Variants in COL24A1 observed in about 807,000 individuals in gnomAD.
COL24A1 encodes collagen alpha-1(XXIV) chain.
Under a neutral mutation model 253.9 loss-of-function variants are expected in COL24A1, and 224 were observed. That is an observed-to-expected ratio of 0.88 (90% CI 0.79 to 0.99). The LOEUF (loss-of-function observed/expected upper bound fraction) is 0.99. COL24A1 is among the 50% of genes least tolerant of loss of function. The probability of loss-of-function intolerance (pLI) is 0.00; values close to 1 mark genes in which losing one functional copy is unlikely to be tolerated. For synonymous variants in COL24A1, 685 were observed against 673.7 expected (o/e 1.02, Z -0.26); for missense variants, 2,131 against 2,068.5 (o/e 1.03, Z -0.59).
chr1:86,013,545 C>CA (rs1696724998), intron 19 of COL24A1, among the ~76,000 whole-genome samples: 1 of 152,120 alleles, frequency 6.6e-6, no homozygotes, highest in East Asian at 1.9e-4. Context: ...TCAAACTAAC[C>CA]AAAAACTGGG....
At chr1:86,038,073 T>TA (rs979785440) in intron 12 of COL24A1, among the ~76,000 whole-genome samples, 20 of 152,086 alleles carry the variant, frequency 1.3e-4, no homozygotes, top group Middle Eastern at 3.4e-3. Flanking sequence ...GTCGCCAATG[T>TA]AAAAAAAATC....
chr1:86,026,182 C>A (rs1019399954), intron 14 of COL24A1, among the ~76,000 whole-genome samples: 4 of 152,120 alleles, frequency 2.6e-5, no homozygotes, highest in Non-Finnish European at 4.4e-5. Flanking sequence ...AGTAACAATA[C>A]CTGCTTTATC....
intron 4 of COL24A1, among the ~76,000 whole-genome samples, chr1:86,113,269 G>A (rs985550247): frequency 6.6e-6 from 1 of 151,988 alleles, no homozygotes. Flanking sequence ...TTAAAAATCC[G>A]GAAACTTAAG....
At chr1:85,844,740 T>C (rs879325940) in intron 39 of COL24A1, among the ~76,000 whole-genome samples, 4 of 151,980 alleles carry the variant, frequency 2.6e-5, no homozygotes, top group Non-Finnish European at 4.4e-5. Context: ...CTAGTTGAAA[T>C]TGATACTTTT....
intron 35 of COL24A1, among the ~76,000 whole-genome samples, chr1:85,870,233 C>T (rs1426360471): frequency 6.6e-6 from 1 of 152,106 alleles, no homozygotes; most frequent in Admixed American, 6.6e-5. Context: ...CTTAGACTCC[C>T]ACACAATAAT....
At chr1:85,839,026 C>T (rs140358991) in intron 42 of COL24A1, among the ~76,000 whole-genome samples, 146 of 152,012 alleles carry the variant, frequency 9.6e-4, no homozygotes, top group African/African-American at 3.5e-3. Flanking sequence ...AACGTGAGAC[C>T]CTGTCTCTAC....
At chr1:85,948,241 T>C (rs940781989) in intron 24 of COL24A1, among the ~76,000 whole-genome samples, 9 of 152,098 alleles carry the variant, frequency 5.9e-5, no homozygotes, top group Non-Finnish European at 1.3e-4. Flanking sequence ...AAGAAACCAT[T>C]AGGCCGGGCG....
intron 19 of COL24A1, among the ~76,000 whole-genome samples, chr1:86,006,810 A>G (rs1490407264): frequency 2.0e-5 from 3 of 152,214 alleles, no homozygotes; most frequent in Non-Finnish European, 4.4e-5. Flanking sequence ...AACATTAAAA[A>G]AAGGCCAAAG....
chr1:85,977,595 T>C (rs1296066998), intron 20 of COL24A1, among the ~76,000 whole-genome samples: 1 of 152,078 alleles, frequency 6.6e-6, no homozygotes, highest in African/African-American at 2.4e-5. Context: ...GTGTCAATAA[T>C]AGACTAGGAC....
chr1:86,008,167 T>A (rs879348684), intron 19 of COL24A1, among the ~76,000 whole-genome samples: 4 of 152,208 alleles, frequency 2.6e-5, no homozygotes, highest in Non-Finnish European at 5.9e-5. Flanking sequence ...GTAGGAAATA[T>A]AAAACCTTTA....
intron 18 of COL24A1, among the ~76,000 whole-genome samples, chr1:86,020,440 T>C (rs935698756): frequency 6.6e-6 from 1 of 152,146 alleles, no homozygotes; most frequent in Admixed American, 6.5e-5. Context: ...GTAGGTTAAG[T>C]GCCAGAGCTG....
At chr1:85,791,831 T>C (rs914560141) in intron 47 of COL24A1, among the ~76,000 whole-genome samples, 15 of 152,158 alleles carry the variant, frequency 9.9e-5, no homozygotes, top group African/African-American at 3.1e-4. Context: ...AATAGGGAAC[T>C]GTAATAAGAT....
At chr1:86,032,560 A>G (rs1001722684) in intron 13 of COL24A1, among the ~76,000 whole-genome samples, 3 of 152,112 alleles carry the variant, frequency 2.0e-5, no homozygotes, top group African/African-American at 4.8e-5. Context: ...ACTCATTGTC[A>G]TTACACTTTA....
intron 5 of COL24A1, among the ~76,000 whole-genome samples, chr1:86,099,753 G>C (rs1021122500): frequency 6.6e-6 from 1 of 152,004 alleles, no homozygotes; most frequent in Non-Finnish European, 1.5e-5. Flanking sequence ...GCATGGACTA[G>C]GGATGACTAG....
intron 32 of COL24A1, among the ~76,000 whole-genome samples, chr1:85,885,174 CT>C (rs1020621125): frequency 4.1e-5 from 6 of 147,698 alleles, no homozygotes; most frequent in African/African-American, 1.2e-4. Flanking sequence ...TTCCAAATTC[CT>C]TACATTTCAT....
intron 47 of COL24A1, among the ~76,000 whole-genome samples, chr1:85,792,307 G>T (rs1670353035): frequency 6.6e-6 from 1 of 151,796 alleles, no homozygotes; most frequent in South Asian, 2.1e-4. Context: ...TATCATCTAT[G>T]CATAAGGAAG....
intron 5 of COL24A1, among the ~76,000 whole-genome samples, chr1:86,111,140 G>A (rs1472048986): frequency 6.7e-6 from 1 of 148,968 alleles, no homozygotes; most frequent in Non-Finnish European, 1.5e-5. Flanking sequence ...TAATCTGGTG[G>A]GGACTTAGAG....
rs79817648 is a variant in COL24A1, at chr1:85,858,000, T to C, written c.3301-8594A>G. ...ATCTAGGGTTTATTATTTATTACTTTATCCCATCTTCTCAACATCTAAACC... is the reference window on the plus strand; with the variant it reads ...ATCTAGGGTTTATTATTTATTACTTCATCCCATCTTCTCAACATCTAAACC... On this transcript the variant is annotated intron_variant, in intron 37 of 59. Coordinates refer to ENST00000370571, the MANE Select transcript of COL24A1 (RefSeq NM_152890.7). Among the ~76,000 whole-genome samples the C allele has an allele frequency of 5.9e-3, 895 of 152,350 alleles. 8 individuals carry two copies. Among genetic ancestry groups the C allele is most frequent in the African/African-American group, 0.021 (863 of 41,578 alleles).
At chr1:85,994,866 C>G (rs1158069867) in intron 19 of COL24A1, among the ~76,000 whole-genome samples, 1 of 152,158 alleles carries the variant, frequency 6.6e-6, no homozygotes, top group African/African-American at 2.4e-5. Flanking sequence ...ATCTAGGTAT[C>G]TGCCTCTCCT....
Sources: gnomAD v4.1 joint callset for allele counts (sites outside exome capture counted in the v4.1 genomes callset) on GRCh38, gnomAD v4.1.1 for gene constraint, MANE v1.5 for transcripts, NCBI Gene and HGNC (gene_info 2026-07-23, HGNC 2026-07-21) for gene names.